Variants in EEFSEC observed in about 807,000 individuals in gnomAD.
The protein encoded by EEFSEC is eukaryotic elongation factor, selenocysteine-tRNA specific, also known as selenocysteine-specific elongation factor.
Under a neutral mutation model 42.1 loss-of-function variants are expected in EEFSEC, and 43 were observed. That is an observed-to-expected ratio of 1.02 (90% CI 0.80 to 1.32). The LOEUF is 1.32. Among genes scored for constraint, EEFSEC ranks in the 40% most tolerant of loss-of-function variants. The pLI, the probability that EEFSEC is intolerant of heterozygous loss-of-function variation, is 0.00. For synonymous variants in EEFSEC, 354 were observed against 339.1 expected, an observed-to-expected ratio of 1.04 and a Z score of -0.48; for missense variants, 745 against 803.6, an observed-to-expected ratio of 0.93 and a Z score of 0.88.
intron 1 of EEFSEC, among the ~76,000 whole-genome samples, chr3:128,157,712 C>G (rs992665841): frequency 4.6e-5 from 7 of 152,152 alleles, no homozygotes; most frequent in Non-Finnish European, 7.4e-5. Context: ...AAAAAATACT[C>G]CTTTCAAAAT....
intron 4 of EEFSEC, among the ~76,000 whole-genome samples, chr3:128,310,809 G>C (rs934212161): frequency 1.3e-5 from 2 of 152,214 alleles, no homozygotes; most frequent in African/African-American, 4.8e-5. Flanking sequence ...AGGCTCTGGA[G>C]GTCAGGCCCC....
rs550756286 is a variant in EEFSEC, at chr3:128,230,868, T to C, written c.317-15968T>C. Among the ~76,000 whole-genome samples the C allele has an allele frequency of 4.6e-5, 7 of 152,296 alleles. No homozygotes were observed. In the South Asian group the frequency reaches 1.0e-3, roughly 23 times the overall value. On this transcript the variant is annotated intron_variant, in intron 1 of 6. Transcript: ENST00000254730. ...GTAGGCATGCCCTGAAATCTAGAGA[T>C]GGAGGACTCCAGGAAGTTTCCTTCA... is the stretch of plus-strand genomic sequence containing the variant.
At chr3:128,401,730 A>T (rs2068050069) in intron 6 of EEFSEC, among the ~76,000 whole-genome samples, 1 of 152,166 alleles carries the variant, frequency 6.6e-6, no homozygotes, top group African/African-American at 2.4e-5. Context: ...AATCCTTGGG[A>T]TAGCCAGGTG....
chr3:128,352,300 G>C (rs2067397274), intron 5 of EEFSEC, among the ~76,000 whole-genome samples: 1 of 152,174 alleles, frequency 6.6e-6, no homozygotes, highest in Admixed American at 6.5e-5. Context: ...ACTTCCTTCT[G>C]ATTAAATGAG....
At chr3:128,205,823 A>G (rs1399595046) in intron 1 of EEFSEC, among the ~76,000 whole-genome samples, 1 of 152,222 alleles carries the variant, frequency 6.6e-6, no homozygotes, top group Non-Finnish European at 1.5e-5. Context: ...GAGATGGGCT[A>G]GATAACTTCA....
chr3:128,268,517 C>A (rs1313687781), intron 4 of EEFSEC, among the ~76,000 whole-genome samples: 1 of 152,012 alleles, frequency 6.6e-6, no homozygotes, highest in Non-Finnish European at 1.5e-5. Context: ...TCTACCAGAA[C>A]CTCAGAATAT....
At chr3:128,370,317 G>A (rs149580307) in intron 6 of EEFSEC, among the ~76,000 whole-genome samples, 77 of 152,306 alleles carry the variant, frequency 5.1e-4, no homozygotes, top group African/African-American at 1.8e-3. Flanking sequence ...TCAATGAGGT[G>A]ATGAAGACAG....
intron 4 of EEFSEC, among the ~76,000 whole-genome samples, chr3:128,293,330 A>G (rs1003794254): frequency 1.3e-5 from 2 of 152,198 alleles, no homozygotes; most frequent in Non-Finnish European, 2.9e-5. Context: ...AAAGCTTCCT[A>G]TAAGGACATC....
At chr3:128,420,198 G>A in the EEFSEC span, among the ~76,000 whole-genome samples, 4 of 152,248 alleles carry the variant, frequency 2.6e-5, no homozygotes, top group African/African-American at 7.2e-5. Flanking sequence ...TGTCACACAC[G>A]CGCGTGGCTC....
At chr3:128,192,078 T>C (rs986634086) in intron 1 of EEFSEC, among the ~76,000 whole-genome samples, 14 of 152,068 alleles carry the variant, frequency 9.2e-5, no homozygotes, top group African/African-American at 3.4e-4. Flanking sequence ...TAAAGAAAAA[T>C]ATTAAGTAAT....
chr3:128,376,429 T>G (rs928500269), intron 6 of EEFSEC, among the ~76,000 whole-genome samples: 4 of 152,190 alleles, frequency 2.6e-5, no homozygotes, highest in Non-Finnish European at 5.9e-5. Context: ...CTGGGCCAGC[T>G]TCGCTTCCTG....
chr3:128,181,374 ATTC>A (rs1358229892), intron 1 of EEFSEC, among the ~76,000 whole-genome samples: 1 of 152,206 alleles, frequency 6.6e-6, no homozygotes, highest in East Asian at 1.9e-4. Context: ...CTATGCCGAC[ATTC>A]TTCTAAGCAG....
intron 1 of EEFSEC, among the ~76,000 whole-genome samples, chr3:128,208,581 G>A (rs964450332): frequency 6.6e-6 from 1 of 152,222 alleles, no homozygotes; most frequent in African/African-American, 2.4e-5. Context: ...AAGGGGCTGT[G>A]TTGAAGATGA....
At chr3:128,382,482 T>TG (rs973552292) in intron 6 of EEFSEC, among the ~76,000 whole-genome samples, 3 of 152,146 alleles carry the variant, frequency 2.0e-5, no homozygotes, top group African/African-American at 7.2e-5. Context: ...CTTTTGTGTG[T>TG]GTGGTGTGTT....
rs892120531 is a variant in EEFSEC at position 128,334,003 on chromosome 3, T to G, written c.787-7230T>G. ...TTGTGCTACTCAAAAACAGGAAACA[T>G]GGGAGGTTGGGAGGGAGGGATGCAG... On this transcript the variant is annotated intron_variant, in intron 4 of 6. Coordinates refer to ENST00000254730, the MANE Select transcript of EEFSEC (RefSeq NM_021937.5). Among the ~76,000 whole-genome samples, 4 of 152,130 alleles carry G rather than the reference T, an allele frequency of 2.6e-5. No homozygotes were observed. In the East Asian group the frequency reaches 5.8e-4, roughly 22 times the overall value.
At chr3:128,308,082 A>G (rs1419317743) in intron 4 of EEFSEC, among the ~76,000 whole-genome samples, 1 of 152,254 alleles carries the variant, frequency 6.6e-6, no homozygotes, top group South Asian at 2.1e-4. Context: ...ACTTGCACAC[A>G]TGCTCTGCGC....
chr3:128,273,648 C>G (rs1040323291), intron 4 of EEFSEC, among the ~76,000 whole-genome samples: 1 of 152,186 alleles, frequency 6.6e-6, no homozygotes, highest in African/African-American at 2.4e-5. Context: ...GAGGGTACAG[C>G]CAGGTTCTTG....
chr3:128,353,715 G>T (rs947952195), intron 5 of EEFSEC, among the ~76,000 whole-genome samples: 2 of 152,180 alleles, frequency 1.3e-5, no homozygotes, highest in Non-Finnish European at 2.9e-5. Flanking sequence ...AGCCCTTCCT[G>T]CAGCAGGAAA....
At chr3:128,416,705 C>T in the EEFSEC span, among the ~76,000 whole-genome samples, 5 of 152,048 alleles carry the variant, frequency 3.3e-5, no homozygotes, top group African/African-American at 9.7e-5. Flanking sequence ...CTCTTCTTGC[C>T]GGGGTTGCAG....
Sources: allele counts gnomAD v4.1 joint callset (sites outside exome capture counted in the v4.1 genomes callset), GRCh38; gene constraint gnomAD v4.1.1; transcripts MANE v1.5; gene names NCBI Gene and HGNC (gene_info 2026-07-23, HGNC 2026-07-21).